The following NAPB variants were observed in gnomAD, a reference collection of about 807,000 sequenced individuals.
NAPB encodes the protein NSF attachment protein beta, also known as beta-soluble NSF attachment protein.
In NAPB, 26 loss-of-function variants were observed where a neutral mutation model predicts 44.7. The ratio of observed to expected loss-of-function variants is 0.58; its 90% confidence interval spans 0.43 to 0.81. The LOEUF (loss-of-function observed/expected upper bound fraction) is 0.81. NAPB is among the 30% of genes least tolerant of loss of function. The pLI is 0.00. For missense variants in NAPB, 315 were observed against 356.4 expected (o/e 0.88, Z 0.94); for synonymous variants, 120 against 116.8 (o/e 1.03, Z -0.18).
At chr20:23,412,673 C>A (rs1341614670) in intron 1 of NAPB, among the ~76,000 whole-genome samples, 1 of 152,164 alleles carries the variant, frequency 6.6e-6, no homozygotes, top group Non-Finnish European at 1.5e-5. Context: ...AATAACTAGA[C>A]AAGAGGGATC....
Position 23,374,573 on chromosome 20 carries a change from A to G in NAPB, c.*2803T>C, listed in dbSNP as rs1982341538. The G allele has an allele frequency of 6.6e-6, 1 of 152,224 alleles. No homozygotes were observed. Among genetic ancestry groups the G allele is most frequent in the Admixed American group, 6.5e-5 (1 of 15,286 alleles). The allele number at this position is 152,224 out of a possible 1,614,324, so 9.4% of individuals were successfully genotyped here. A position where few individuals can be genotyped will look rare whatever the true frequency, so the allele number is the denominator to read the frequency against. ...TACACATGGTTAGTTTTCATAACGT[A>G]ATCCCCTGCCCCAGAGCAACTCAGG... On this transcript the variant is annotated 3_prime_UTR_variant, in exon 11 of 11. Transcript: ENST00000377026.
chr20:23,420,186 T>C (rs2123282744), intron 1 of NAPB, among the ~76,000 whole-genome samples: 1 of 152,298 alleles, frequency 6.6e-6, no homozygotes, highest in Non-Finnish European at 1.5e-5. Context: ...TCTTCCGGGC[T>C]GTCAGTGCGG....
chr20:23,394,817 A>G, intron 5 of NAPB, 105 bp downstream of exon 5: 1 of 1,160,732 alleles, frequency 8.6e-7, no homozygotes, highest in Non-Finnish European at 1.2e-6. Context: ...AAGGCCATCT[A>G]TGACCACTCT....
At chr20:23,404,454 C>T (rs1985092738) in intron 1 of NAPB, among the ~76,000 whole-genome samples, 1 of 152,202 alleles carries the variant, frequency 6.6e-6, no homozygotes, top group Admixed American at 6.5e-5. Flanking sequence ...AGTCCTAGTG[C>T]AGAGCAGAGG....
Position 23,377,384 on chromosome 20 carries a change from G to C in NAPB, c.889C>G (p.Leu297Val). ...ACAAAGACAAAAACATTTCATTTTAGGTCTCCATCTCCTTCTCCATCCCCT... is the reference window on the plus strand; with the variant it reads ...ACAAAGACAAAAACATTTCATTTTACGTCTCCATCTCCTTCTCCATCCCCT... ...IQGDGEGDGD[L>V]K Residue 297 changes from leucine to valine, a missense_variant, in exon 11 of 11, where the codon CTA (leucine) becomes GTA (valine). By Grantham distance (32) the Leu-to-Val change is conservative. Around this residue, in one of 3 missense-constraint regions of NAPB, gnomAD observed 120 missense variants for 130.5 expected, o/e 0.92. Coordinates refer to ENST00000377026, the MANE Select transcript of NAPB (RefSeq NM_022080.3). 6.3e-7 allele frequency: 1 copy of C among 1,584,560 alleles called. No homozygotes were observed. The highest frequency in any genetic ancestry group is 8.6e-7 in the Non-Finnish European group (1 of 1,159,036).
intron 7 of NAPB, among the ~76,000 whole-genome samples, chr20:23,386,897 T>A (rs1983570218): frequency 6.6e-6 from 1 of 152,158 alleles, no homozygotes; most frequent in African/African-American, 2.4e-5. Flanking sequence ...ATTAATAAAC[T>A]TGAGGGTGTT....
Position 23,381,356 on chromosome 20 carries a change from C to T in NAPB, c.562-39G>A, listed in dbSNP as rs374453669. ...GCAGAGTTAAATTTAAAAGATTTAC[C>T]CTCTTATATCAGGCAAAGTCATTCT... On this transcript the variant is annotated intron_variant, in intron 7 of 10. Coordinates refer to ENST00000377026, the MANE Select transcript of NAPB (RefSeq NM_022080.3). The T allele has an allele frequency of 6.1e-6, 8 of 1,321,460 alleles. No individual in the cohort carries two copies. In the Admixed American group the frequency reaches 1.7e-4, roughly 28 times the overall value. The allele number at this position is 1,321,460 out of a possible 1,614,324, so 81.9% of individuals were successfully genotyped here.
chr20:23,398,854 A>ATTTTTTT lies in NAPB; in HGVS notation c.179-1673_179-1667dup, dbSNP rs34074566. Among the ~76,000 whole-genome samples the ATTTTTTT allele has an allele frequency of 6.6e-4, 60 of 90,432 alleles. 1 individual carries two copies. Among genetic ancestry groups the ATTTTTTT allele is most frequent in the East Asian group, 2.3e-3 (6 of 2,624 alleles). 59.3% of individuals were successfully genotyped at this position (90,432 alleles called of 152,430 possible). ...GCAAGACTCTTGTCTCAAAAAAAAA[A>ATTTTTTT]TTTTTTTTTTTTTTTTTTTTTTTTG... On this transcript the variant is annotated intron_variant, in intron 2 of 10. Transcript: ENST00000377026.
intron 1 of NAPB, among the ~76,000 whole-genome samples, chr20:23,416,367 T>TA (rs1424450013): frequency 6.6e-6 from 1 of 152,164 alleles, no homozygotes; most frequent in Admixed American, 6.5e-5. Context: ...AACCAAACAA[T>TA]TATAATAAAG....
chr20:23,394,866 C>A (rs886073182), intron 5 of NAPB, 56 bp downstream of exon 5: 83 of 1,548,122 alleles, frequency 5.4e-5, no homozygotes, highest in Non-Finnish European at 6.9e-5. Flanking sequence ...GAGGAGAGTT[C>A]TTTGAGTCAG....
intron 1 of NAPB, among the ~76,000 whole-genome samples, chr20:23,414,722 T>C (rs920571943): frequency 1.3e-4 from 20 of 150,994 alleles, no homozygotes; most frequent in Admixed American, 9.3e-4. Flanking sequence ...TGAAAATTCT[T>C]TGAAGGTACA....
intron 1 of NAPB, among the ~76,000 whole-genome samples, chr20:23,420,432 C>T (rs1327482225): frequency 6.6e-6 from 1 of 152,148 alleles, no homozygotes; most frequent in Non-Finnish European, 1.5e-5. Flanking sequence ...GCGCAAGGCC[C>T]CTGGAGAGAG....
At chr20:23,420,498 G>A (rs1986312103) in intron 1 of NAPB, among the ~76,000 whole-genome samples, 2 of 152,064 alleles carry the variant, frequency 1.3e-5, no homozygotes, top group South Asian at 4.1e-4. Flanking sequence ...CCCCGGCGGG[G>A]CCCACCTGCA....
At position 23,374,893 on chromosome 20, in the gene NAPB, C is replaced by G. The variant is rs984113421; in HGVS notation, c.*2483G>C. On this transcript the variant is annotated 3_prime_UTR_variant, in exon 11 of 11. Coordinates refer to ENST00000377026, the MANE Select transcript of NAPB (RefSeq NM_022080.3). ...TGTTGCCACAAAAAGCAAAACTTTC[C>G]TCTAAGAAATATTAACTGACTTTGA... The G allele has an allele frequency of 9.8e-5, 15 of 152,318 alleles. No individual in the cohort carries two copies. The highest frequency in any genetic ancestry group is 3.4e-4 in the African/African-American group (14 of 41,450). 9.4% of individuals were successfully genotyped at this position (152,318 alleles called of 1,614,324 possible). A position where few individuals can be genotyped will look rare whatever the true frequency, so the allele number is the denominator to read the frequency against.
intron 2 of NAPB, among the ~76,000 whole-genome samples, chr20:23,398,773 G>A (rs1984582016): frequency 6.6e-6 from 1 of 151,696 alleles, no homozygotes. Context: ...GAATCCGGGA[G>A]GCGGAGGTTG....
chr20:23,379,417 T>G, intron 10 of NAPB, 28 bp downstream of exon 10: 1 of 1,550,544 alleles, frequency 6.4e-7, no homozygotes, highest in Non-Finnish European at 8.7e-7. Context: ...CTTCAAATAA[T>G]GTACCATGTC....
intron 2 of NAPB, among the ~76,000 whole-genome samples, chr20:23,400,918 T>C (rs1405488836): frequency 6.6e-6 from 1 of 151,890 alleles, no homozygotes; most frequent in African/African-American, 2.4e-5. Context: ...TAAAAACATG[T>C]AAATATAAAT....
chr20:23,414,501 C>T (rs752406046), intron 1 of NAPB, among the ~76,000 whole-genome samples: 2 of 152,050 alleles, frequency 1.3e-5, no homozygotes, highest in East Asian at 3.8e-4. Context: ...TTCAAAAAGG[C>T]CTTCAAAATA....
intron 1 of NAPB, among the ~76,000 whole-genome samples, chr20:23,410,848 A>G (rs913215705): frequency 1.3e-5 from 2 of 152,248 alleles, no homozygotes; most frequent in South Asian, 2.1e-4. Flanking sequence ...ATATGAAAGT[A>G]CATCATAAGC....
Sources: gnomAD v4.1 joint callset for allele counts (sites outside exome capture counted in the v4.1 genomes callset) on GRCh38, gnomAD v4.1.1 for gene constraint, gnomAD v4.1.1 regional missense constraint, MANE v1.5 for transcripts, NCBI Gene and HGNC (gene_info 2026-07-23, HGNC 2026-07-21) for gene names.